KCTD16: variants seen among roughly 807,000 people sequenced by gnomAD.
KCTD16 encodes the protein potassium channel tetramerization domain containing 16, also known as BTB/POZ domain-containing protein KCTD16.
KCTD16 carries 13 observed loss-of-function variants against 33.2 expected under a neutral mutation model. The observed-to-expected ratio is 0.39, with a 90% CI of 0.25 to 0.62. The LOEUF is 0.62. Among genes scored for constraint, KCTD16 ranks in the 20% least tolerant of loss-of-function variants. The pLI is 0.50. For synonymous variants in KCTD16, 197 were observed against 195.3 expected (o/e 1.01, Z -0.07); for missense variants, 441 against 525.1 (o/e 0.84, Z 1.57).
intron 3 of KCTD16, among the ~76,000 whole-genome samples, chr5:144,222,732 A>G (rs921810331): frequency 1.3e-5 from 2 of 152,208 alleles, no homozygotes; most frequent in African/African-American, 2.4e-5. Flanking sequence ...AAGACAGCGT[A>G]GCGATTCCTC....
chr5:144,325,907 T>A (rs1752194148), intron 3 of KCTD16, among the ~76,000 whole-genome samples: 1 of 152,158 alleles, frequency 6.6e-6, no homozygotes, highest in Non-Finnish European at 1.5e-5. Flanking sequence ...CCTGTTCAAT[T>A]AGTAAAAGAT....
intron 3 of KCTD16, among the ~76,000 whole-genome samples, chr5:144,299,097 TATATATATATATATATA>T: frequency 1.8e-4 from 1 of 5,560 alleles, no homozygotes; most frequent in South Asian, 0.011. Flanking sequence ...TATCACTATG[TATATATATATATATATA>T]TATATATATA....
intron 3 of KCTD16, among the ~76,000 whole-genome samples, chr5:144,466,447 T>G (rs1008745324): frequency 6.6e-6 from 1 of 151,964 alleles, no homozygotes; most frequent in Admixed American, 6.6e-5. Flanking sequence ...ATTTTATATA[T>G]AAATATAATG....
rs369368281 is a variant in KCTD16, at chr5:144,187,461, TACAC to T, written c.-327+12993_-327+12996del. On this transcript the variant is annotated intron_variant, in intron 2 of 3. Transcript: ENST00000512467. ...ACACACACACATATACACACACACA[TACAC>T]ACAGGGGGCAAGAGAGAAAAAATGT... 3.5e-3 allele frequency among the ~76,000 whole-genome samples: 525 copies of T among 151,700 alleles called. 4 individuals carry two copies. Among genetic ancestry groups the T allele is most frequent in the African/African-American group, 0.012 (499 of 41,378 alleles).
At chr5:144,299,094 ATG>A (rs1305042753) in intron 3 of KCTD16, among the ~76,000 whole-genome samples, 6 of 16,556 alleles carry the variant, frequency 3.6e-4, no homozygotes, top group Non-Finnish European at 6.1e-4. Context: ...ATATATCACT[ATG>A]TATATATATA....
At chr5:144,380,167 A>T (rs1752180369) in intron 3 of KCTD16, among the ~76,000 whole-genome samples, 1 of 152,198 alleles carries the variant, frequency 6.6e-6, no homozygotes, top group African/African-American at 2.4e-5. Flanking sequence ...TAAATATACA[A>T]AAATCAGTTA....
intron 3 of KCTD16, among the ~76,000 whole-genome samples, chr5:144,433,860 TTTG>T (rs1580961482): frequency 6.6e-6 from 1 of 152,178 alleles, no homozygotes; most frequent in Non-Finnish European, 1.5e-5. Context: ...GTATACATCT[TTTG>T]TTGTTGTTAT....
chr5:144,238,005 A>G (rs1201294908), intron 3 of KCTD16, among the ~76,000 whole-genome samples: 1 of 152,182 alleles, frequency 6.6e-6, no homozygotes, highest in Non-Finnish European at 1.5e-5. Context: ...ATCAGACACT[A>G]TTACTAGTGA....
At chr5:144,370,905 G>A (rs1366600985) in intron 3 of KCTD16, among the ~76,000 whole-genome samples, 1 of 151,972 alleles carries the variant, frequency 6.6e-6, no homozygotes, top group Non-Finnish European at 1.5e-5. Context: ...TTAGGTTGGT[G>A]CAAAAGTTAT....
intron 3 of KCTD16, among the ~76,000 whole-genome samples, chr5:144,416,524 A>G (rs1753057982): frequency 6.6e-6 from 1 of 152,218 alleles, no homozygotes; most frequent in African/African-American, 2.4e-5. Context: ...TGTTTACTAA[A>G]GATACTCTTG....
At chr5:144,396,686 G>A (rs1752574682) in intron 3 of KCTD16, among the ~76,000 whole-genome samples, 1 of 151,904 alleles carries the variant, frequency 6.6e-6, no homozygotes, top group African/African-American at 2.4e-5. Context: ...TCAGGCCTCT[G>A]ATCAAACCTA....
Position 144,295,681 on chromosome 5 carries a change from T to C in KCTD16, c.832+88135T>C, listed in dbSNP as rs1401347044. On this transcript the variant is annotated intron_variant, in intron 3 of 3. Coordinates refer to ENST00000512467, the MANE Select transcript of KCTD16 (RefSeq NM_020768.4). ...TATTACCTTACATGGCAAAGGAAACTTTGCAGATGTAATTAAGGGTACAGA... is the reference window on the plus strand; with the variant it reads ...TATTACCTTACATGGCAAAGGAAACCTTGCAGATGTAATTAAGGGTACAGA... Among the ~76,000 whole-genome samples the C allele has an allele frequency of 2.6e-5, 4 of 152,176 alleles. No individual in the cohort carries two copies. The East Asian group carries it at 7.7e-4, about 29-fold the overall frequency.
chr5:144,335,562 A>G (rs769399842), intron 3 of KCTD16, among the ~76,000 whole-genome samples: 2 of 152,224 alleles, frequency 1.3e-5, no homozygotes, highest in Non-Finnish European at 2.9e-5. Flanking sequence ...ACACAAACAC[A>G]CTACAATGAC....
At position 144,325,346 on chromosome 5, in the gene KCTD16, T is replaced by C. The variant is rs1752177887; in HGVS notation, c.832+117800T>C. 1.3e-5 allele frequency among the ~76,000 whole-genome samples: 2 copies of C among 152,166 alleles called. 1 individual carries two copies. Among genetic ancestry groups the C allele is most frequent in the Admixed American group, 1.3e-4 (2 of 15,268 alleles). On this transcript the variant is annotated intron_variant, in intron 3 of 3. Transcript: ENST00000512467. ...ACCTCCCTGTGTCTAATAGGACATC[T>C]GATCAAGTCACAAGGCTGCTTAGAG...
At position 144,397,118 on chromosome 5, in the gene KCTD16, C is replaced by G. The variant is rs575369075; in HGVS notation, c.833-76542C>G. Among the ~76,000 whole-genome samples the G allele has an allele frequency of 6.9e-5, 10 of 145,186 alleles. No homozygotes were observed. The Admixed American group carries it at 7.0e-4, about 10-fold the overall frequency. On this transcript the variant is annotated intron_variant, in intron 3 of 3. Transcript: ENST00000512467. ...GCCCCACTGTGTGATGTTCCCCTTC[C>G]TGTGTCCAAGTGTTCTCATTGTTCA...
chr5:144,217,204 T>C (rs13358708), intron 3 of KCTD16, among the ~76,000 whole-genome samples: 12,463 of 152,240 alleles, frequency 0.082, 1,553 homozygotes, highest in African/African-American at 0.27. Flanking sequence ...AATTTTCTTA[T>C]GGCTTAAGCA....
chr5:144,317,415 C>T (rs1370550629), intron 3 of KCTD16, among the ~76,000 whole-genome samples: 1 of 152,156 alleles, frequency 6.6e-6, no homozygotes, highest in Non-Finnish European at 1.5e-5. Context: ...GCTACTTATT[C>T]AACAGTAGAT....
intron 3 of KCTD16, among the ~76,000 whole-genome samples, chr5:144,282,501 G>A: frequency 6.6e-6 from 1 of 152,146 alleles, no homozygotes; most frequent in East Asian, 1.9e-4. Context: ...AGGGGGCTGT[G>A]ACAATGTTGA....
chr5:144,317,047 C>T (rs1288551335), intron 3 of KCTD16, among the ~76,000 whole-genome samples: 2 of 150,352 alleles, frequency 1.3e-5, no homozygotes, highest in Non-Finnish European at 1.5e-5. Context: ...AGGATGGTCT[C>T]GATCTCTTGA....
Sources: allele counts gnomAD v4.1 joint callset (sites outside exome capture counted in the v4.1 genomes callset), GRCh38; gene constraint gnomAD v4.1.1; transcripts MANE v1.5; gene names NCBI Gene and HGNC (gene_info 2026-07-23, HGNC 2026-07-21).